Variants in ENAH observed in about 807,000 individuals in gnomAD.
ENAH encodes the protein ENAH actin regulator.
ENAH carries 23 observed loss-of-function variants against 78.7 expected under a neutral mutation model. The observed-to-expected ratio is 0.29, with a 90% CI of 0.21 to 0.41. The LOEUF is 0.41. Ranked by LOEUF, ENAH falls within the 10% of genes least tolerant of loss-of-function variation. The pLI is 1.00. For synonymous variants in ENAH, 226 were observed against 241.0 expected (o/e 0.94, Z 0.58); for missense variants, 544 against 691.0 (o/e 0.79, Z 2.39).
intron 1 of ENAH, among the ~76,000 whole-genome samples, chr1:225,577,553 G>A (rs1178414659): frequency 1.2e-4 from 19 of 152,170 alleles, no homozygotes; most frequent in Admixed American, 1.2e-3. Flanking sequence ...ATCTTTCTGA[G>A]AAATAGAATA....
chr1:225,569,018 G>A (rs1026637832), intron 1 of ENAH, among the ~76,000 whole-genome samples: 3 of 152,142 alleles, frequency 2.0e-5, no homozygotes, highest in Admixed American at 6.6e-5. Context: ...ACTAAAACTT[G>A]AATTAGTTTT....
At chr1:225,573,172 G>A (rs2096771988) in intron 1 of ENAH, among the ~76,000 whole-genome samples, 1 of 152,148 alleles carries the variant, frequency 6.6e-6, no homozygotes, top group Non-Finnish European at 1.5e-5. Flanking sequence ...GTAAAACCAA[G>A]TTGTTAACAA....
chr1:225,590,301 G>A (rs750740447), intron 1 of ENAH, among the ~76,000 whole-genome samples: 99 of 151,974 alleles, frequency 6.5e-4, no homozygotes, highest in Middle Eastern at 6.8e-3. Context: ...ATGGTGAGAC[G>A]CTGTCTCAAC....
At chr1:225,614,438 AAG>A (rs1201871983) in intron 1 of ENAH, among the ~76,000 whole-genome samples, 3 of 152,182 alleles carry the variant, frequency 2.0e-5, no homozygotes, top group African/African-American at 2.4e-5. Flanking sequence ...TCCTAAGAGC[AAG>A]AGTTTCTGAT....
At chr1:225,546,264 C>G (rs765971610) in intron 3 of ENAH, among the ~76,000 whole-genome samples, 5 of 152,084 alleles carry the variant, frequency 3.3e-5, no homozygotes, top group African/African-American at 4.8e-5. Context: ...AGAGGATAAG[C>G]TACTATCAAA....
intron 4 of ENAH, among the ~76,000 whole-genome samples, chr1:225,529,995 G>A (rs1388902991): frequency 6.6e-6 from 1 of 152,148 alleles, no homozygotes; most frequent in African/African-American, 2.4e-5. Flanking sequence ...GCGTTTGTGC[G>A]GTTCTGAGGC....
upstream of ENAH, among the ~76,000 whole-genome samples, chr1:225,653,872 C>G (rs1361961035): frequency 6.6e-6 from 1 of 152,196 alleles, no homozygotes; most frequent in Admixed American, 6.5e-5. This position sits in a 1 kb window ranked among gnomAD's most constrained non-coding sequence, Gnocchi z 4.3. Flanking sequence ...CTTTTCTTCC[C>G]GAGGAATCCC....
intron 3 of ENAH, among the ~76,000 whole-genome samples, chr1:225,539,754 T>C (rs1032131695): frequency 6.6e-6 from 1 of 152,054 alleles, no homozygotes; most frequent in Non-Finnish European, 1.5e-5. Flanking sequence ...TCAAATATGC[T>C]GTATCACCTT....
At chr1:225,556,327 A>C (rs1245178593) in intron 2 of ENAH, among the ~76,000 whole-genome samples, 1 of 152,226 alleles carries the variant, frequency 6.6e-6, no homozygotes, top group Non-Finnish European at 1.5e-5. Flanking sequence ...TTTCCACAAG[A>C]GTATACAAGA....
At chr1:225,522,487 C>G (rs944500365) in intron 4 of ENAH, among the ~76,000 whole-genome samples, 4 of 152,142 alleles carry the variant, frequency 2.6e-5, no homozygotes, top group Non-Finnish European at 5.9e-5. Flanking sequence ...TTTTCAGGAT[C>G]TAGTACGGAC....
chr1:225,571,721 T>C (rs1305251305), intron 1 of ENAH, among the ~76,000 whole-genome samples: 6 of 152,126 alleles, frequency 3.9e-5, no homozygotes, highest in Admixed American at 6.6e-5. Flanking sequence ...TCAATCACAA[T>C]GGCCAATGAT....
intron 1 of ENAH, among the ~76,000 whole-genome samples, chr1:225,591,687 C>T (rs1238406122): frequency 6.7e-6 from 1 of 148,258 alleles, no homozygotes; most frequent in African/African-American, 2.5e-5. Context: ...ACTGCCTGAA[C>T]CCGGGAGGCG....
intron 1 of ENAH, among the ~76,000 whole-genome samples, chr1:225,568,522 G>A (rs778444297): frequency 6.6e-6 from 1 of 152,160 alleles, no homozygotes; most frequent in Admixed American, 6.5e-5. Flanking sequence ...TGATACTCCT[G>A]AGACTTAACA....
In ENAH at chr1:225,492,374, A is replaced by G. The variant is rs1268300788; in HGVS notation, c.*5401T>C. On this transcript the variant is annotated 3_prime_UTR_variant, in exon 14 of 14. Transcript: ENST00000366843. ...ACCGAGCTATTTAGATGTCCTAACTACTAGGAATTATATGTCTTTAAAAAC... is the reference window on the plus strand; with the variant it reads ...ACCGAGCTATTTAGATGTCCTAACTGCTAGGAATTATATGTCTTTAAAAAC... 1 of 152,150 alleles carries G rather than the reference A, an allele frequency of 6.6e-6. No homozygotes were observed. Among genetic ancestry groups the G allele is most frequent in the Non-Finnish European group, 1.5e-5 (1 of 68,018 alleles). 9.4% of individuals were successfully genotyped at this position (152,150 alleles called of 1,614,324 possible).
intron 1 of ENAH, among the ~76,000 whole-genome samples, chr1:225,597,549 C>T (rs2096907770): frequency 6.6e-6 from 1 of 151,158 alleles, no homozygotes; most frequent in Non-Finnish European, 1.5e-5. Context: ...CCCAGCTACC[C>T]AGGAGCCCGA....
chr1:225,498,254 A>G, intron 13 of ENAH, 93 bp downstream of exon 13: 6 of 1,024,768 alleles, frequency 5.9e-6, no homozygotes, highest in Non-Finnish European at 8.9e-6. Context: ...GCCCTCAACT[A>G]ATCAGCTGGG....
At position 225,521,896 on chromosome 1, in the gene ENAH, C is replaced by T. The variant is rs373400256; in HGVS notation, c.435-2331G>A. ...CTGCAAGCTCCACCTCCCAGGTTCA[C>T]ACCATTCTCTTGCCTCAGCCTCCCG... On this transcript the variant is annotated intron_variant, in intron 4 of 13. Coordinates refer to ENST00000366843, the MANE Select transcript of ENAH (RefSeq NM_018212.6). Among the ~76,000 whole-genome samples the T allele has an allele frequency of 2.0e-4, 31 of 152,082 alleles. No homozygotes were observed. The East Asian group carries it at 2.5e-3, about 12-fold the overall frequency.
intron 1 of ENAH, among the ~76,000 whole-genome samples, chr1:225,607,296 C>T (rs2096961230): frequency 6.6e-6 from 1 of 152,052 alleles, no homozygotes; most frequent in Admixed American, 6.6e-5. Flanking sequence ...TGTGTTGAGC[C>T]ACATTCAAAG....
At chr1:225,562,594 A>C (rs865976481) in intron 2 of ENAH, among the ~76,000 whole-genome samples, 64 of 148,174 alleles carry the variant, frequency 4.3e-4, no homozygotes, top group African/African-American at 1.6e-3. Flanking sequence ...AAAAAAAAAA[A>C]AAAAAAAACA....
Sources: allele counts gnomAD v4.1 joint callset (sites outside exome capture counted in the v4.1 genomes callset), GRCh38; gene constraint gnomAD v4.1.1; non-coding constraint Gnocchi (gnomAD v3.1); transcripts MANE v1.5; gene names NCBI Gene and HGNC (gene_info 2026-07-23, HGNC 2026-07-21).